Variants in POU2F1 observed in about 807,000 individuals in gnomAD.
POU2F1 encodes the protein POU class 2 homeobox 1, also known as POU domain, class 2, transcription factor 1.
Under a neutral mutation model 84.9 loss-of-function variants are expected in POU2F1, and 16 were observed. The ratio of observed to expected loss-of-function variants is 0.19; its 90% CI spans 0.13 to 0.29. POU2F1 has a LOEUF of 0.29. Ranked by LOEUF, POU2F1 falls within the 10% of genes least tolerant of loss-of-function variation. The probability of loss-of-function intolerance (pLI) is 1.00; values close to 1 mark genes in which losing one functional copy is unlikely to be tolerated. For synonymous variants in POU2F1, 368 were observed against 368.3 expected, an observed-to-expected ratio of 1.00 and a Z score of 0.01; for missense variants, 738 against 942.6, an observed-to-expected ratio of 0.78 and a Z score of 2.84.
chr1:167,364,420 C>CT (rs1298076744), intron 2 of POU2F1, among the ~76,000 whole-genome samples: 1 of 136,196 alleles, frequency 7.3e-6, no homozygotes, highest in African/African-American at 2.7e-5. Context: ...GTCCCAGCTA[C>CT]TTGGGAGGCT....
intron 1 of POU2F1, among the ~76,000 whole-genome samples, chr1:167,274,011 G>A (rs1224381913): frequency 6.6e-6 from 1 of 152,128 alleles, no homozygotes; most frequent in Non-Finnish European, 1.5e-5. Flanking sequence ...TAATTGTAGA[G>A]CAAACTCTTG....
intron 1 of POU2F1, among the ~76,000 whole-genome samples, chr1:167,316,406 C>T (rs561375648): frequency 1.3e-5 from 2 of 152,178 alleles, no homozygotes; most frequent in East Asian, 3.9e-4. Context: ...AGAAATAGTT[C>T]CTTGATAACT....
At chr1:167,368,960 A>T (rs748655873) in intron 3 of POU2F1, among the ~76,000 whole-genome samples, 1 of 152,162 alleles carries the variant, frequency 6.6e-6, no homozygotes, top group Non-Finnish European at 1.5e-5. Context: ...GGAATAATGC[A>T]TGACTCTCTT....
In POU2F1 at chr1:167,421,453, C is replaced by T. The variant is rs187169822; in HGVS notation, c.*5643C>T. On this transcript the variant is annotated 3_prime_UTR_variant, in exon 16 of 16. Coordinates refer to ENST00000367866, the MANE Select transcript of POU2F1 (RefSeq NM_002697.4). ...GGAATATATTTTTTCTCAGAGCATC[C>T]AGTTTGTACCCAGTTTTCTATATGG... 8.7e-4 allele frequency: 133 copies of T among 152,186 alleles called. No individual in the cohort carries two copies. Among genetic ancestry groups the T allele is most frequent in the African/African-American group, 3.0e-3 (126 of 41,512 alleles). 9.4% of individuals were successfully genotyped at this position (152,186 alleles called of 1,614,324 possible). A position where few individuals can be genotyped will look rare whatever the true frequency, so the allele number is the denominator to read the frequency against.
intron 5 of POU2F1, among the ~76,000 whole-genome samples, chr1:167,372,623 CTT>C (rs1172751181): frequency 6.6e-6 from 1 of 152,160 alleles, no homozygotes; most frequent in Non-Finnish European, 1.5e-5. Context: ...ACATGTAAAA[CTT>C]ATAGAACGGT....
intron 2 of POU2F1, among the ~76,000 whole-genome samples, chr1:167,356,001 G>A (rs1658907891): frequency 6.6e-6 from 1 of 151,656 alleles, no homozygotes; most frequent in African/African-American, 2.4e-5. Context: ...ACACTGGAGT[G>A]CAGTGGCAGG....
At chr1:167,236,290 A>T (rs1649449026) in intron 1 of POU2F1, among the ~76,000 whole-genome samples, 1 of 151,932 alleles carries the variant, frequency 6.6e-6, no homozygotes, top group African/African-American at 2.4e-5. Flanking sequence ...TTTAGTAGAG[A>T]TGGAGTTTCA....
Position 167,389,633 on chromosome 1 carries a change from C to G in POU2F1, c.859C>G (p.Leu287Val). 4 of 1,614,236 alleles carry G rather than the reference C, an allele frequency of 2.5e-6. No individual in the cohort carries two copies. The highest frequency in any genetic ancestry group is 2.2e-5 in the East Asian group (1 of 44,888). The change falls in exon 9 of 16, where the codon CTT (leucine) becomes GTT (valine). Residue 287 changes from leucine (L) to valine (V), a missense_variant. By Grantham distance (32) the Leu-to-Val change is conservative (BLOSUM62 1). Transcript: ENST00000367866. ...AATAGCAGCAACCCCAATTCAGACA[C>G]TTCCACAGAGCCAGTCAACACCAAA... ...RTIAATPIQT[L>V]PQSQSTPKRI...
chr1:167,331,174 A>C (rs1657059211), intron 1 of POU2F1, among the ~76,000 whole-genome samples: 1 of 152,122 alleles, frequency 6.6e-6, no homozygotes, highest in Admixed American at 6.5e-5. Context: ...AACCAAAGTT[A>C]TGACAGAACT....
chr1:167,276,845 T>C (rs266828), intron 1 of POU2F1, among the ~76,000 whole-genome samples: 2,570 of 151,764 alleles, frequency 0.017, 72 homozygotes, highest in African/African-American at 0.058. Context: ...AATGAGTAGA[T>C]AGAACAAAAA....
At position 167,415,938 on chromosome 1, in the gene POU2F1, G is replaced by GGT; in HGVS notation, c.*129_*130insTG. On this transcript the variant is annotated 3_prime_UTR_variant, in exon 16 of 16. Transcript: ENST00000367866. ...GTGTTGTGAGGGCAAAGGAGAGAAG[G>GGT]GAGAAAAAAAAAAAAAAACCACACA... The GGT allele has an allele frequency of 9.5e-6, 6 of 631,306 alleles. No individual in the cohort carries two copies. Among genetic ancestry groups the GGT allele is most frequent in the Non-Finnish European group, 1.5e-5 (6 of 405,316 alleles). The allele number at this position is 631,306 out of a possible 1,614,324, so 39.1% of individuals were successfully genotyped here. A position where few individuals can be genotyped will look rare whatever the true frequency, so the allele number is the denominator to read the frequency against.
At chr1:167,386,198 G>T (rs2091248) in intron 8 of POU2F1, among the ~76,000 whole-genome samples, 33 of 151,972 alleles carry the variant, frequency 2.2e-4, no homozygotes, top group Middle Eastern at 3.4e-3. Flanking sequence ...TTTCTTTTTG[G>T]GGGGGTGAGG....
At chr1:167,357,801 ATTTTTTTTTTTT>A (rs71572451) in intron 2 of POU2F1, among the ~76,000 whole-genome samples, 2 of 119,224 alleles carry the variant, frequency 1.7e-5, no homozygotes, top group Non-Finnish European at 3.5e-5. Flanking sequence ...TTATTAATTG[ATTTTTTTTTTTT>A]TTTTTTTTTG....
intron 1 of POU2F1, among the ~76,000 whole-genome samples, chr1:167,299,099 G>A (rs1028206981): frequency 2.1e-5 from 3 of 146,314 alleles, no homozygotes; most frequent in African/African-American, 7.6e-5. Context: ...GGAGGCGGAG[G>A]TTATGGTGAG....
At chr1:167,378,120 C>G (rs187615453) in intron 7 of POU2F1, among the ~76,000 whole-genome samples, 37 of 152,356 alleles carry the variant, frequency 2.4e-4, no homozygotes, top group Middle Eastern at 3.4e-3. Context: ...GAGAAATCGC[C>G]AAACTGCTTT....
At chr1:167,327,993 A>G (rs570179698) in intron 1 of POU2F1, among the ~76,000 whole-genome samples, 1 of 152,314 alleles carries the variant, frequency 6.6e-6, no homozygotes, top group South Asian at 2.1e-4. Context: ...TGTCATTGTA[A>G]TGCCTAAAAA....
chr1:167,223,390 T>C (rs950685372), intron 1 of POU2F1, among the ~76,000 whole-genome samples: 1 of 152,202 alleles, frequency 6.6e-6, no homozygotes, highest in African/African-American at 2.4e-5. Context: ...ATTTTTGGTC[T>C]TTCCTGTGGT....
chr1:167,351,682 T>C (rs111746912), intron 2 of POU2F1, among the ~76,000 whole-genome samples: 5 of 152,228 alleles, frequency 3.3e-5, no homozygotes, highest in African/African-American at 1.2e-4. Context: ...TAAAGTCTTC[T>C]TGAAGGAAGT....
At chr1:167,226,537 C>T (rs1571116284) in intron 1 of POU2F1, among the ~76,000 whole-genome samples, 2 of 152,272 alleles carry the variant, frequency 1.3e-5, no homozygotes, top group Non-Finnish European at 2.9e-5. Context: ...GTGATGAGCT[C>T]TTATAAACTG....
Sources: allele counts gnomAD v4.1 joint callset (sites outside exome capture counted in the v4.1 genomes callset), GRCh38; gene constraint gnomAD v4.1.1; transcripts MANE v1.5; gene names NCBI Gene and HGNC (gene_info 2026-07-23, HGNC 2026-07-21).